ACER3: variants seen among roughly 807,000 people sequenced by gnomAD.
ACER3 encodes alkCDase 3.
In ACER3, 16 loss-of-function variants were observed where a neutral mutation model predicts 48.9. That is an observed-to-expected ratio of 0.33 (90% CI 0.22 to 0.50). ACER3 has a LOEUF of 0.50. Ranked by LOEUF, ACER3 falls within the 20% of genes least tolerant of loss-of-function variation. ACER3 has a pLI of 0.98. For synonymous variants in ACER3, 109 were observed against 107.8 expected, an observed-to-expected ratio of 1.01 and a Z score of -0.07; for missense variants, 227 against 326.0, an observed-to-expected ratio of 0.70 and a Z score of 2.34.
intron 1 of ACER3, among the ~76,000 whole-genome samples, chr11:76,901,150 C>A (rs1271115193): frequency 6.6e-6 from 1 of 151,850 alleles, no homozygotes; most frequent in African/African-American, 2.4e-5. Flanking sequence ...CCTTAATGGT[C>A]CTTCGGATCC....
intron 6 of ACER3, among the ~76,000 whole-genome samples, chr11:76,997,672 C>T (rs1948943415): frequency 1.3e-5 from 1 of 76,320 alleles, no homozygotes; most frequent in South Asian, 4.1e-4. Flanking sequence ...CTTGTCTATA[C>T]TAAAAAGAAA....
At chr11:77,019,217 T>C (rs1465546819) in intron 9 of ACER3, among the ~76,000 whole-genome samples, 1 of 152,154 alleles carries the variant, frequency 6.6e-6, no homozygotes, top group Non-Finnish European at 1.5e-5. Flanking sequence ...TCCCAGCACT[T>C]TGGGAGGCCG....
rs113443970 is a variant in ACER3 at position 76,965,522 on chromosome 11, T to C, written c.267+6491T>C. On this transcript the variant is annotated intron_variant, in intron 3 of 10. Transcript: ENST00000532485. Reference sequence around the variant, plus strand: ...ACATAACTCTCAGATTCACGAAAGCTGAAATGAAGGAAAAAATGTTAAGGG... The same window carrying C: ...ACATAACTCTCAGATTCACGAAAGCCGAAATGAAGGAAAAAATGTTAAGGG... 2.0e-5 allele frequency among the ~76,000 whole-genome samples: 3 copies of C among 151,122 alleles called. 1 individual carries two copies. The highest frequency in any genetic ancestry group is 7.4e-5 in the African/African-American group (3 of 40,506).
intron 6 of ACER3, chr11:76,994,371 C>A (rs981134091): frequency 2.8e-6 from 1 of 352,660 alleles, no homozygotes; most frequent in Admixed American, 3.9e-5. Context: ...CTCAAGTGAT[C>A]TGCCCGCCTT....
intron 1 of ACER3, among the ~76,000 whole-genome samples, chr11:76,890,254 A>G (rs973349753): frequency 2.6e-5 from 4 of 152,334 alleles, no homozygotes; most frequent in African/African-American, 9.6e-5. Flanking sequence ...CCTTACAGAC[A>G]TAACTATAAT....
intron 2 of ACER3, among the ~76,000 whole-genome samples, chr11:76,942,003 T>C (rs763883976): frequency 1.2e-4 from 18 of 152,160 alleles, no homozygotes; most frequent in South Asian, 2.1e-4. Context: ...TATTGATTTA[T>C]GTACATTGAT....
intron 1 of ACER3, among the ~76,000 whole-genome samples, chr11:76,898,314 T>A (rs1358006184): frequency 6.6e-6 from 1 of 152,224 alleles, no homozygotes; most frequent in Admixed American, 6.5e-5. Flanking sequence ...AAGATTTGTC[T>A]ACTCGAACAT....
intron 1 of ACER3, among the ~76,000 whole-genome samples, chr11:76,903,470 A>G (rs1390984016): frequency 4.1e-5 from 1 of 24,104 alleles, no homozygotes; most frequent in Non-Finnish European, 8.2e-5. Context: ...CCCGGCCCAC[A>G]CACACACACA....
chr11:76,973,753 G>GT (rs554423722), intron 3 of ACER3, among the ~76,000 whole-genome samples: 18 of 151,050 alleles, frequency 1.2e-4, no homozygotes, highest in South Asian at 4.2e-4. Flanking sequence ...CACTTTATCT[G>GT]TTTTTTTTTC....
intron 1 of ACER3, among the ~76,000 whole-genome samples, chr11:76,873,742 A>G (rs1361954528): frequency 2.7e-5 from 4 of 147,408 alleles, no homozygotes; most frequent in Non-Finnish European, 5.9e-5. Context: ...TTTGGAAGAA[A>G]TGATTGATTT....
At chr11:77,002,599 T>C (rs971574092) in intron 7 of ACER3, among the ~76,000 whole-genome samples, 1 of 152,234 alleles carries the variant, frequency 6.6e-6, no homozygotes, top group Non-Finnish European at 1.5e-5. Flanking sequence ...ATCAGGATAC[T>C]ATACATTTCA....
chr11:76,948,257 G>C (rs1237267355), intron 2 of ACER3, among the ~76,000 whole-genome samples: 1 of 146,518 alleles, frequency 6.8e-6, no homozygotes, highest in Non-Finnish European at 1.5e-5. Flanking sequence ...GTGTGTGTGT[G>C]TGTGTGTAGG....
rs141925215 is a variant in ACER3 at position 77,015,059 on chromosome 11, A to G, written c.541A>G (p.Ile181Val). The G allele has an allele frequency of 4.7e-4, 750 of 1,601,302 alleles. 7 individuals carry two copies. The highest frequency in any genetic ancestry group is 2.9e-3 in the South Asian group (265 of 90,696). ...AGGACTGGGTTATACATCATTGGGT[A>G]TATTTTTATTGGGATTTTTATTTTG... ...LRGLGYTSLG[I>V]FLLGFLFWNI... Residue 181 changes from isoleucine to valine, a missense_variant, in exon 8 of 11, where the codon ATA (isoleucine) becomes GTA (valine). By Grantham distance (29) the Ile-to-Val change is conservative. Around this residue, in one of 3 missense-constraint regions of ACER3, gnomAD observed 195 missense variants for 290.8 expected, o/e 0.67. Transcript: ENST00000532485.
intron 1 of ACER3, among the ~76,000 whole-genome samples, chr11:76,922,429 T>C (rs1946709751): frequency 6.6e-6 from 1 of 152,142 alleles, no homozygotes; most frequent in Non-Finnish European, 1.5e-5. Context: ...AATGGTAAAA[T>C]ATTCAACATC....
intron 4 of ACER3, among the ~76,000 whole-genome samples, chr11:76,983,001 A>C (rs539200726): frequency 7.2e-5 from 11 of 152,274 alleles, no homozygotes; most frequent in South Asian, 2.1e-4. Context: ...GTAAATCTTG[A>C]AGTCAGTTAG....
chr11:76,923,362 ACCACTGAT>A (rs1946735031), intron 1 of ACER3, among the ~76,000 whole-genome samples: 1 of 152,050 alleles, frequency 6.6e-6, no homozygotes, highest in Non-Finnish European at 1.5e-5. Context: ...TCCCCCAGCA[ACCACTGAT>A]CTTCTTTCTG....
At chr11:76,917,197 A>G (rs1024715932) in intron 1 of ACER3, among the ~76,000 whole-genome samples, 5 of 152,140 alleles carry the variant, frequency 3.3e-5, no homozygotes, top group Admixed American at 6.6e-5. Context: ...GAAATGTTTC[A>G]CCATAAACCT....
At chr11:76,943,725 A>G (rs1947399038) in intron 2 of ACER3, among the ~76,000 whole-genome samples, 1 of 139,720 alleles carries the variant, frequency 7.2e-6, no homozygotes, top group African/African-American at 2.7e-5. Context: ...TGATCTATCT[A>G]GTGCGGTCAG....
intron 2 of ACER3, among the ~76,000 whole-genome samples, chr11:76,932,896 A>G (rs1313735659): frequency 3.3e-5 from 5 of 152,140 alleles, no homozygotes; most frequent in Non-Finnish European, 7.4e-5. Flanking sequence ...AAACTCCACA[A>G]TAAAGGCAGA....
Sources: gnomAD v4.1 joint callset for allele counts (sites outside exome capture counted in the v4.1 genomes callset) on GRCh38, gnomAD v4.1.1 for gene constraint, gnomAD v4.1.1 regional missense constraint, MANE v1.5 for transcripts, NCBI Gene and HGNC (gene_info 2026-07-23, HGNC 2026-07-21) for gene names.